DNAH12: variants seen among roughly 807,000 people sequenced by gnomAD.
The protein encoded by DNAH12 is axonemal beta dynein heavy chain 12.
A neutral mutation model predicts 371.5 loss-of-function variants in DNAH12; 285 were observed. The ratio of observed to expected loss-of-function variants is 0.77; its 90% CI spans 0.70 to 0.85. The LOEUF (loss-of-function observed/expected upper bound fraction) is 0.85, where lower values mean the gene tolerates loss of function less well. Ranked by LOEUF, DNAH12 falls within the 40% of genes least tolerant of loss-of-function variation. The probability of loss-of-function intolerance (pLI) is 0.00; values close to 1 mark genes in which losing one functional copy is unlikely to be tolerated. For missense variants in DNAH12, 3,611 were observed against 3,689.4 expected, an observed-to-expected ratio of 0.98 and a Z score of 0.55; for synonymous variants, 1,200 against 1,213.0, an observed-to-expected ratio of 0.99 and a Z score of 0.22.
At chr3:57,402,906 G>T (rs2063914145) in intron 43 of DNAH12, among the ~76,000 whole-genome samples, 1 of 152,152 alleles carries the variant, frequency 6.6e-6, no homozygotes, top group Non-Finnish European at 1.5e-5. Context: ...TTTTATGCAT[G>T]TATCAAAATA....
chr3:57,551,493 A>C, the DNAH12 span, among the ~76,000 whole-genome samples: 11 of 150,646 alleles, frequency 7.3e-5, no homozygotes, highest in South Asian at 2.1e-4. Context: ...GGATGGTCTC[A>C]ATCTCCTGAC....
chr3:57,391,850 C>T (rs1245929613), intron 45 of DNAH12, 22 bp downstream of exon 45: 4 of 152,596 alleles, frequency 2.6e-5, no homozygotes, highest in African/African-American at 9.6e-5. Flanking sequence ...GCCTCCCCCT[C>T]CAACCAAGAA....
intron 17 of DNAH12, among the ~76,000 whole-genome samples, chr3:57,465,164 G>A (rs756687128): frequency 2.1e-4 from 32 of 152,186 alleles, no homozygotes; most frequent in Non-Finnish European, 4.1e-4. Flanking sequence ...AAACTCAGGA[G>A]CAGAACAAGA....
intron 2 of DNAH12, among the ~76,000 whole-genome samples, chr3:57,541,801 T>C (rs1477811580): frequency 6.6e-6 from 1 of 152,120 alleles, no homozygotes; most frequent in African/African-American, 2.4e-5. Context: ...AGAAGGTATA[T>C]GATTAATAGA....
intron 4 of DNAH12, among the ~76,000 whole-genome samples, chr3:57,523,337 C>T (rs377229658): frequency 1.2e-4 from 19 of 152,212 alleles, no homozygotes; most frequent in African/African-American, 4.6e-4. Flanking sequence ...GACCCGAGAT[C>T]GCACCACTGC....
chr3:57,396,304 A>C (rs1242858417), intron 43 of DNAH12, among the ~76,000 whole-genome samples: 17,256 of 141,878 alleles, frequency 0.12, 2,352 homozygotes, highest in African/African-American at 0.32. Flanking sequence ...AAAAAAAAAA[A>C]AAAAAAGAGA....
At chr3:57,540,829 C>T (rs1218662859) in intron 2 of DNAH12, among the ~76,000 whole-genome samples, 4 of 151,646 alleles carry the variant, frequency 2.6e-5, no homozygotes, top group Admixed American at 2.6e-4. Context: ...ACTTGAGAGG[C>T]TAAGATGGGA....
At chr3:57,469,381 T>C (rs1332738442) in intron 16 of DNAH12, among the ~76,000 whole-genome samples, 1 of 152,230 alleles carries the variant, frequency 6.6e-6, no homozygotes, top group Non-Finnish European at 1.5e-5. Flanking sequence ...GCACTATTGA[T>C]GGGACTGTAA....
the DNAH12 span, among the ~76,000 whole-genome samples, chr3:57,554,213 G>A: frequency 5.2e-3 from 685 of 130,664 alleles, 93 homozygotes; most frequent in Non-Finnish European, 7.7e-3. Flanking sequence ...CTTGAACCCG[G>A]GAGGTGGAGG....
chr3:57,542,265 G>T (rs1419049299), intron 2 of DNAH12, among the ~76,000 whole-genome samples: 4 of 151,396 alleles, frequency 2.6e-5, no homozygotes, highest in South Asian at 2.1e-4. Flanking sequence ...TGTTCAAATT[G>T]TAGGGGTTCA....
chr3:57,496,194 C>T (rs1575685339), intron 11 of DNAH12, among the ~76,000 whole-genome samples: 1 of 151,796 alleles, frequency 6.6e-6, no homozygotes, highest in Admixed American at 6.6e-5. Context: ...AACATAGCCC[C>T]AACTGACAGC....
chr3:57,366,528 C>T (rs998559527), intron 57 of DNAH12, among the ~76,000 whole-genome samples: 2 of 152,152 alleles, frequency 1.3e-5, no homozygotes, highest in Admixed American at 6.6e-5. Context: ...CTGAACCCAA[C>T]TGCCCATACT....
In DNAH12 at chr3:57,502,328, G is replaced by A. The variant is rs768971446; in HGVS notation, c.1238C>T (p.Thr413Ile). The A allele has an allele frequency of 6.2e-7, 1 of 1,613,952 alleles. No individual in the cohort carries two copies. Among genetic ancestry groups the A allele is most frequent in the South Asian group, 1.1e-5 (1 of 91,058 alleles). ...NLEGARKHYE[T>I]YVEKYNWLLD... ...ATTATGTATGTCATACACACCATAT[G>A]TCTCATAATGCTTTCTTGCACCTTC... Residue 413 changes from threonine (T) to isoleucine (I), a missense_variant, in exon 10 of 74, where the codon ACA (threonine) becomes ATA (isoleucine). Thr to Ile is a moderately conservative substitution (Grantham distance 89). Coordinates refer to ENST00000495027, the MANE Select transcript of DNAH12 (RefSeq NM_001366028.2).
At chr3:57,550,995 C>A in the DNAH12 span, among the ~76,000 whole-genome samples, 1 of 150,564 alleles carries the variant, frequency 6.6e-6, no homozygotes, top group East Asian at 2.0e-4. Context: ...TCTCCTGCCT[C>A]AGCCTCCCGA....
In DNAH12 at chr3:57,453,304, C is replaced by T. The variant is rs751262480; in HGVS notation, c.3556G>A (p.Ala1186Thr). 4 of 1,550,534 alleles carry T rather than the reference C, an allele frequency of 2.6e-6. No individual in the cohort carries two copies. The highest frequency in any genetic ancestry group is 3.5e-6 in the Non-Finnish European group (4 of 1,146,672). The part of the protein sequence containing the change: ...LSKQTRTTLG[A>T]LVTIDVHARD... The stretch of plus-strand genomic sequence containing the variant: ...GCATGGACATCAATAGTAACCAAAG[C>T]CCCCAGAGTGGTCCTGGTCTGCTTA... Residue 1186 changes from alanine (A) to threonine (T), a missense_variant, in exon 24 of 74, where the codon GCT (alanine) becomes ACT (threonine). By Grantham distance (58) the Ala-to-Thr change is moderately conservative (BLOSUM62 0). Around this residue, in one of 3 missense-constraint regions of DNAH12, gnomAD observed 1,314 missense variants for 1,398.7 expected, o/e 0.94. Coordinates refer to ENST00000495027, the MANE Select transcript of DNAH12 (RefSeq NM_001366028.2).
intron 51 of DNAH12, among the ~76,000 whole-genome samples, chr3:57,379,842 CAAAAAAAAAA>C (rs1170490495): frequency 4.5e-5 from 1 of 22,380 alleles, no homozygotes; most frequent in Non-Finnish European, 9.4e-5. Context: ...CTCTGTCTCC[CAAAAAAAAAA>C]AAAAAAAAAA....
chr3:57,293,875 G>A lies in DNAH12; in HGVS notation c.11789C>T (p.Thr3930Ile). The part of the protein sequence containing the change: ...KGTLSTTGHS[T>I]NFVIAMLLKT... ...TAACAACATTGCAATGACAAAGTTAGTAGAATGTCCCGTAGTGGAAAGAGT... is the reference window on the plus strand; with the variant it reads ...TAACAACATTGCAATGACAAAGTTAATAGAATGTCCCGTAGTGGAAAGAGT... The change falls in exon 74 of 74, where the codon ACT becomes ATT. Residue 3930 changes from threonine (T) to isoleucine (I), a missense_variant. Coordinates refer to ENST00000495027, the MANE Select transcript of DNAH12 (RefSeq NM_001366028.2). 3 of 1,549,634 alleles carry A rather than the reference G, an allele frequency of 1.9e-6. No individual in the cohort carries two copies. The highest frequency in any genetic ancestry group is 2.6e-6 in the Non-Finnish European group (3 of 1,146,140).
At chr3:57,433,169 T>C (rs1442159013) in intron 32 of DNAH12, among the ~76,000 whole-genome samples, 198 bp downstream of exon 32, 2 of 104,158 alleles carry the variant, frequency 1.9e-5, no homozygotes, top group Non-Finnish European at 4.1e-5. Flanking sequence ...TATACTTTCA[T>C]TCTACAAAAA....
upstream of DNAH12, among the ~76,000 whole-genome samples, chr3:57,548,315 A>G (rs1430574171): frequency 6.6e-6 from 1 of 152,196 alleles, no homozygotes; most frequent in Non-Finnish European, 1.5e-5. Flanking sequence ...CCATTCTGGG[A>G]TAACCTAAGG....
Sources: allele counts gnomAD v4.1 joint callset (sites outside exome capture counted in the v4.1 genomes callset), GRCh38; gene constraint gnomAD v4.1.1; regional missense constraint gnomAD v4.1.1; transcripts MANE v1.5; gene names NCBI Gene and HGNC (gene_info 2026-07-23, HGNC 2026-07-21).